UBR7: variants seen among roughly 807,000 people sequenced by gnomAD.
UBR7 encodes putative E3 ubiquitin-protein ligase UBR7.
Under a neutral mutation model 57.0 loss-of-function variants are expected in UBR7, and 22 were observed. The ratio of observed to expected loss-of-function variants is 0.39; its 90% CI spans 0.28 to 0.55. The LOEUF (loss-of-function observed/expected upper bound fraction) is 0.55. Ranked by LOEUF, UBR7 falls within the 20% of genes least tolerant of loss-of-function variation. UBR7 has a pLI of 0.69. For synonymous variants in UBR7, 167 were observed against 179.8 expected, an observed-to-expected ratio of 0.93 and a Z score of 0.57; for missense variants, 395 against 513.2, an observed-to-expected ratio of 0.77 and a Z score of 2.23.
chr14:93,208,774 T>A (rs953065124), intron 1 of UBR7, among the ~76,000 whole-genome samples: 1 of 152,080 alleles, frequency 6.6e-6, no homozygotes, highest in Non-Finnish European at 1.5e-5. Context: ...TAGAGGAAGG[T>A]AACTATACCT....
intron 6 of UBR7, among the ~76,000 whole-genome samples, chr14:93,217,448 C>G (rs1387890020): frequency 6.6e-6 from 1 of 152,168 alleles, no homozygotes; most frequent in Non-Finnish European, 1.5e-5. Context: ...TATCGTTTCT[C>G]TTCTCTGTCT....
chr14:93,224,194 T>C (rs1894782911), intron 10 of UBR7: 2 of 554,448 alleles, frequency 3.6e-6, no homozygotes, highest in South Asian at 4.1e-5. Context: ...TTTTTTTCTT[T>C]GTCATAGATG....
At chr14:93,218,829 C>T (rs1894647372) in intron 7 of UBR7, 94 bp downstream of exon 7, 12 of 1,319,016 alleles carry the variant, frequency 9.1e-6, no homozygotes, top group Middle Eastern at 2.2e-4. Context: ...GCTGAGGTGG[C>T]GGATCACCTG....
chr14:93,212,045 T>A lies in UBR7; in HGVS notation c.359T>A (p.Val120Glu). The change falls in exon 4 of 11, where the codon GTA becomes GAA. Residue 120 changes from valine to glutamate, a missense_variant. By Grantham distance (121) the Val-to-Glu change is moderately radical. Coordinates refer to ENST00000013070, the MANE Select transcript of UBR7 (RefSeq NM_175748.4). ...ATTATATTTCAGGACAAAGCAAAGGTAAATTCTGGCAATAAGTACAATGAC... is the reference window on the plus strand; with the variant it reads ...ATTATATTTCAGGACAAAGCAAAGGAAAATTCTGGCAATAAGTACAATGAC... ...ECKLLPDKAK[V>E]NSGNKYNDNF... 1 of 1,611,856 alleles carries A rather than the reference T, an allele frequency of 6.2e-7. No individual in the cohort carries two copies. The highest frequency in any genetic ancestry group is 8.5e-7 in the Non-Finnish European group (1 of 1,178,620).
intron 9 of UBR7, among the ~76,000 whole-genome samples, chr14:93,221,197 G>A (rs183412798): frequency 6.6e-6 from 1 of 150,838 alleles, no homozygotes; most frequent in African/African-American, 2.4e-5. Flanking sequence ...TGCAACCTCT[G>A]CCTCCCAGGT....
intron 10 of UBR7, chr14:93,223,483 TAGA>T (rs923786736): frequency 1.4e-5 from 8 of 567,220 alleles, no homozygotes; most frequent in African/African-American, 9.6e-5. Context: ...CCTGCTTTCT[TAGA>T]AGATGTCATC....
chr14:93,224,136 T>C, intron 10 of UBR7: 7 of 711,262 alleles, frequency 9.8e-6, no homozygotes, highest in Non-Finnish European at 2.5e-6. Flanking sequence ...CCCGAGGCCT[T>C]CATGGCGTCC....
chr14:93,210,573 C>G, intron 2 of UBR7, 75 bp from the exon 3 acceptor site: 1 of 1,306,348 alleles, frequency 7.7e-7, no homozygotes, highest in South Asian at 1.3e-5. Context: ...TTACTATGTG[C>G]TTGAATGCTT....
At chr14:93,219,441 C>A in intron 8 of UBR7, 80 bp downstream of exon 8, 1 of 1,556,276 alleles carries the variant, frequency 6.4e-7, no homozygotes, top group Admixed American at 1.8e-5. Context: ...GGAAAACATT[C>A]AATTTTTGTA....
chr14:93,221,167 G>A (rs35647387), intron 9 of UBR7, among the ~76,000 whole-genome samples: 3 of 149,876 alleles, frequency 2.0e-5, no homozygotes, highest in Non-Finnish European at 4.4e-5. Context: ...CTGGAGTGCA[G>A]TGGCGCGATC....
rs1004373003 is a variant in UBR7 at position 93,227,620 on chromosome 14, G to T, written c.*585G>T. ...TAGGCCCAACCTCCAGAGTAGCCAG[G>T]ACTGATGGTTTTCTGGTCTGGATGT... On this transcript the variant is annotated 3_prime_UTR_variant, in exon 11 of 11. Coordinates refer to ENST00000013070, the MANE Select transcript of UBR7 (RefSeq NM_175748.4). 60 of 700,756 alleles carry T rather than the reference G, an allele frequency of 8.6e-5. No individual in the cohort carries two copies. In the East Asian group the frequency reaches 1.6e-3, roughly 18 times the overall value. The allele number at this position is 700,756 out of a possible 1,614,324, so 43.4% of individuals were successfully genotyped here. A position where few individuals can be genotyped will look rare whatever the true frequency, so the allele number is the denominator to read the frequency against.
At chr14:93,223,607 C>G (rs552994510) in intron 10 of UBR7, 1 of 1,175,134 alleles carries the variant, frequency 8.5e-7, no homozygotes. Context: ...CCTAGAAGAA[C>G]GTGTTGGGCC....
chr14:93,215,168 AT>A lies in UBR7; in HGVS notation c.496-6del. 6.4e-7 allele frequency: 1 copy of A among 1,565,406 alleles called. No homozygotes were observed. The highest frequency in any genetic ancestry group is 8.7e-7 in the Non-Finnish European group (1 of 1,153,442). ...CACAAGAAAATTTTTGGTGTTCTAT[AT>A]TCACAGCATCTTGGTGCCATTCCCC... is the stretch of plus-strand genomic sequence containing the variant. On this transcript the variant is annotated splice_region_variant and splice_polypyrimidine_tract_variant and intron_variant, in intron 5 of 10. Coordinates refer to ENST00000013070, the MANE Select transcript of UBR7 (RefSeq NM_175748.4).
At chr14:93,222,842 A>G (rs1894738245) in intron 10 of UBR7, among the ~76,000 whole-genome samples, 1 of 152,178 alleles carries the variant, frequency 6.6e-6, no homozygotes, top group African/African-American at 2.4e-5. Context: ...AATAAGAGGT[A>G]GTGAAACATC....
At chr14:93,218,830 G>A (rs1286292466) in intron 7 of UBR7, 95 bp downstream of exon 7, 24 of 1,315,432 alleles carry the variant, frequency 1.8e-5, no homozygotes, top group Admixed American at 4.0e-5. Flanking sequence ...CTGAGGTGGC[G>A]GATCACCTGA....
At chr14:93,220,467 T>G in intron 9 of UBR7, 56 bp downstream of exon 9, 1 of 1,599,280 alleles carries the variant, frequency 6.3e-7, no homozygotes, top group Non-Finnish European at 8.6e-7. Context: ...TAAAAAAATA[T>G]AAAGGGGGCA....
chr14:93,210,768 G>T, intron 3 of UBR7, 60 bp downstream of exon 3: 1 of 1,439,522 alleles, frequency 6.9e-7, no homozygotes, highest in Non-Finnish European at 9.6e-7. Context: ...ATTTGCCAGA[G>T]TGGGTAAAAA....
rs187899481 is a variant in UBR7, at chr14:93,214,339, T to C, written c.442-590T>C. On this transcript the variant is annotated intron_variant, in intron 4 of 10. Coordinates refer to ENST00000013070, the MANE Select transcript of UBR7 (RefSeq NM_175748.4). Reference sequence around the variant, plus strand: ...ACGATAGGAAAAGGACAGAACAACATTGGGATGTTAATTAACAGTTATGAG... The same window carrying C: ...ACGATAGGAAAAGGACAGAACAACACTGGGATGTTAATTAACAGTTATGAG... Among the ~76,000 whole-genome samples, 655 of 152,280 alleles carry C rather than the reference T, an allele frequency of 4.3e-3. 20 individuals are homozygous for C. The highest frequency in any genetic ancestry group is 1.7e-3 in the South Asian group (8 of 4,824).
intron 6 of UBR7, among the ~76,000 whole-genome samples, chr14:93,216,142 C>CA (rs1048670156): frequency 1.3e-4 from 20 of 152,178 alleles, no homozygotes; most frequent in African/African-American, 4.3e-4. Flanking sequence ...TTTTATAAGT[C>CA]AGAGCCCTCG....
Sources: allele counts gnomAD v4.1 joint callset (sites outside exome capture counted in the v4.1 genomes callset), GRCh38; gene constraint gnomAD v4.1.1; transcripts MANE v1.5; gene names NCBI Gene and HGNC (gene_info 2026-07-23, HGNC 2026-07-21).